SFI1: variants seen among roughly 807,000 people sequenced by gnomAD.
SFI1 encodes protein SFI1 homolog.
A neutral mutation model predicts 207.5 loss-of-function variants in SFI1; 195 were observed. That is an observed-to-expected ratio of 0.94 (90% CI 0.84 to 1.06). SFI1 has a LOEUF of 1.06. Among genes scored for constraint, SFI1 ranks in the 50% least tolerant of loss-of-function variants. SFI1 has a pLI of 0.00. For missense variants in SFI1, 1,634 were observed against 1,588.0 expected (o/e 1.03, Z -0.49); for synonymous variants, 630 against 598.9 (o/e 1.05, Z -0.76).
chr22:31,597,432 T>C (rs989806068), intron 15 of SFI1, among the ~76,000 whole-genome samples: 2 of 152,160 alleles, frequency 1.3e-5, no homozygotes, highest in Non-Finnish European at 2.9e-5. Flanking sequence ...AGCAGAGTGA[T>C]TGAGAGTCTG....
chr22:31,572,129 G>C (rs1257376166), intron 8 of SFI1, among the ~76,000 whole-genome samples: 1 of 152,172 alleles, frequency 6.6e-6, no homozygotes, highest in African/African-American at 2.4e-5. Flanking sequence ...CCCGTGGGCA[G>C]GTGGGTAGTT....
At chr22:31,560,826 C>T (rs537448872) in intron 7 of SFI1, among the ~76,000 whole-genome samples, 10 of 152,078 alleles carry the variant, frequency 6.6e-5, no homozygotes, top group Admixed American at 2.6e-4. Flanking sequence ...CTCAGCCTCC[C>T]GAGTAGCTGG....
Position 31,613,493 on chromosome 22 carries a change from C to G in SFI1, c.2705C>G (p.Ala902Gly). Reference protein sequence around the residue: ...RLLRFAASMKASRQQLQAQQQ... With the variant: ...RLLRFAASMKGSRQQLQAQQQ... Reference sequence around the variant, plus strand: ...CTGCGCTTTGCAGCCAGCATGAAGGCCTCCCGGCAGCAGCTGCAGGCCCAG... The same window carrying G: ...CTGCGCTTTGCAGCCAGCATGAAGGGCTCCCGGCAGCAGCTGCAGGCCCAG... Residue 902 changes from alanine (A) to glycine (G), a missense_variant, in exon 26 of 33, where the codon GCC (alanine) becomes GGC (glycine). Coordinates refer to ENST00000400288, the MANE Select transcript of SFI1 (RefSeq NM_001007467.3). 2 of 1,596,376 alleles carry G rather than the reference C, an allele frequency of 1.3e-6. No individual in the cohort carries two copies. The highest frequency in any genetic ancestry group is 1.7e-6 in the Non-Finnish European group (2 of 1,175,598).
intron 2 of SFI1, among the ~76,000 whole-genome samples, chr22:31,523,870 G>A (rs1299589941): frequency 6.6e-6 from 1 of 151,422 alleles, no homozygotes; most frequent in African/African-American, 2.4e-5. Flanking sequence ...GCAATTATAA[G>A]TGTTCCTTGT....
intron 4 of SFI1, among the ~76,000 whole-genome samples, chr22:31,536,495 G>T (rs191398076): frequency 9.7e-4 from 147 of 152,228 alleles, no homozygotes; most frequent in African/African-American, 3.4e-3. Flanking sequence ...CACTGCAACC[G>T]CCACCTTCTG....
Position 31,618,304 on chromosome 22 carries a change from A to G in SFI1, c.3625-10A>G, listed in dbSNP as rs769049180. 3.7e-6 allele frequency: 6 copies of G among 1,608,430 alleles called. No individual in the cohort carries two copies. Among genetic ancestry groups the G allele is most frequent in the Admixed American group, 3.4e-5 (2 of 59,670 alleles). On this transcript the variant is annotated splice_polypyrimidine_tract_variant and intron_variant, in intron 32 of 32. Coordinates refer to ENST00000400288, the MANE Select transcript of SFI1 (RefSeq NM_001007467.3). Reference sequence around the variant, plus strand: ...CCCTCTCAGCCCTGCCTGTCCCTCCATGGCCCCAGGTGGAAATGCAGATCC... The same window carrying G: ...CCCTCTCAGCCCTGCCTGTCCCTCCGTGGCCCCAGGTGGAAATGCAGATCC...
At chr22:31,519,821 C>T (rs1311013445) in intron 2 of SFI1, among the ~76,000 whole-genome samples, 1 of 152,094 alleles carries the variant, frequency 6.6e-6, no homozygotes, top group African/African-American at 2.4e-5. Context: ...ATCCACCCAC[C>T]TTGGCCTCCT....
At chr22:31,512,040 C>T (rs2055647601) in intron 2 of SFI1, among the ~76,000 whole-genome samples, 1 of 152,032 alleles carries the variant, frequency 6.6e-6, no homozygotes, top group Non-Finnish European at 1.5e-5. Context: ...AACCATAACA[C>T]AGGTAAAGAA....
At chr22:31,543,615 G>A (rs1239363845) in intron 4 of SFI1, among the ~76,000 whole-genome samples, 1 of 151,986 alleles carries the variant, frequency 6.6e-6, no homozygotes, top group Non-Finnish European at 1.5e-5. Flanking sequence ...TTCGAGACCA[G>A]CCTGGCCATC....
rs189639034 is a variant in SFI1, at chr22:31,528,976, T to C, written c.266+113T>C. On this transcript the variant is annotated intron_variant, in intron 3 of 32. Coordinates refer to ENST00000400288, the MANE Select transcript of SFI1 (RefSeq NM_001007467.3). ...CACCGCAATTAGTGGGAGATCTTGA[T>C]GCCTGTTCTTGGTAGTAGAATGTTC... The C allele has an allele frequency of 2.2e-5, 23 of 1,033,378 alleles. No homozygotes were observed. The East Asian group carries it at 5.6e-4, about 25-fold the overall frequency. 64.0% of individuals were successfully genotyped at this position (1,033,378 alleles called of 1,614,324 possible).
intron 7 of SFI1, among the ~76,000 whole-genome samples, chr22:31,557,924 CTA>C (rs1259019301): frequency 1.3e-5 from 2 of 152,136 alleles, no homozygotes; most frequent in Admixed American, 1.3e-4. Flanking sequence ...AGATTTCACT[CTA>C]TGTTGTCTGT....
chr22:31,596,733 G>T (rs1291051157), intron 15 of SFI1, among the ~76,000 whole-genome samples: 1 of 144,846 alleles, frequency 6.9e-6, no homozygotes, highest in Non-Finnish European at 1.5e-5. Flanking sequence ...GCAGTGAGCC[G>T]AGATCGCACC....
chr22:31,575,694 C>A (rs117415580), intron 10 of SFI1, among the ~76,000 whole-genome samples: 2 of 152,210 alleles, frequency 1.3e-5, no homozygotes, highest in Non-Finnish European at 2.9e-5. Context: ...TCTTTTCCCT[C>A]AGAGGTAATC....
Position 31,528,929 on chromosome 22 carries a change from G to T in SFI1, c.266+66G>T, listed in dbSNP as rs1602190443. 13 of 1,477,594 alleles carry T rather than the reference G, an allele frequency of 8.8e-6. No homozygotes were observed. In the South Asian group the frequency reaches 1.4e-4, roughly 16 times the overall value. 91.5% of individuals were successfully genotyped at this position (1,477,594 alleles called of 1,614,324 possible). A position where few individuals can be genotyped will look rare whatever the true frequency, so the allele number is the denominator to read the frequency against. On this transcript the variant is annotated intron_variant, in intron 3 of 32. Transcript: ENST00000400288. ...TTTGTTCTCCTTTCTTGGTTAAAAT[G>T]GGGGAATGATTCTTATTCTTCCACC...
rs556996596 is a variant in SFI1, at chr22:31,578,556, A to G, written c.1155+104A>G. The G allele has an allele frequency of 3.4e-5, 36 of 1,048,052 alleles. No individual in the cohort carries two copies. In the East Asian group the frequency reaches 8.2e-4, roughly 24 times the overall value. The allele number at this position is 1,048,052 out of a possible 1,614,324, so 64.9% of individuals were successfully genotyped here. The stretch of plus-strand genomic sequence containing the variant: ...TCACCTTCATTAAATGCAGTCAGCT[A>G]TGGGTGAGTTTTGGTCATGAAGCCC... On this transcript the variant is annotated intron_variant, in intron 11 of 32. Coordinates refer to ENST00000400288, the MANE Select transcript of SFI1 (RefSeq NM_001007467.3).
At chr22:31,563,999 A>G (rs1205339413) in intron 8 of SFI1, among the ~76,000 whole-genome samples, 3 of 152,090 alleles carry the variant, frequency 2.0e-5, no homozygotes, top group Non-Finnish European at 4.4e-5. Context: ...TATTTCAAAC[A>G]TAGAAACACA....
intron 4 of SFI1, among the ~76,000 whole-genome samples, chr22:31,532,199 G>C (rs1388645997): frequency 1.3e-5 from 2 of 152,240 alleles, no homozygotes; most frequent in South Asian, 2.1e-4. Context: ...GAGACTGACA[G>C]ATTGGCTTGA....
At position 31,604,384 on chromosome 22, in the gene SFI1, A is replaced by G. The variant is rs1011169966; in HGVS notation, c.1957A>G (p.Arg653Gly). 2 of 1,551,166 alleles carry G rather than the reference A, an allele frequency of 1.3e-6. No homozygotes were observed. Among genetic ancestry groups the G allele is most frequent in the Admixed American group, 3.9e-5 (2 of 50,842 alleles). Residue 653 changes from arginine (R) to glycine (G), a missense_variant, in exon 19 of 33, where the codon AGG becomes GGG. Transcript: ENST00000400288. ...GCACCACCAGCACAGCGTGCTGCAC[A>G]GGGCGCTGCAGGCATGGGTGGTAGG... ...DLHHQHSVLHRALQAWVTYQG... is the reference protein window; with the variant it reads ...DLHHQHSVLHGALQAWVTYQG...
intron 15 of SFI1, among the ~76,000 whole-genome samples, chr22:31,594,737 C>A (rs2066819044): frequency 6.7e-6 from 1 of 150,282 alleles, no homozygotes; most frequent in African/African-American, 2.4e-5. Context: ...CGACTGTAGT[C>A]CCAGCTACTC....
Sources: gnomAD v4.1 joint callset for allele counts (sites outside exome capture counted in the v4.1 genomes callset) on GRCh38, gnomAD v4.1.1 for gene constraint, MANE v1.5 for transcripts, NCBI Gene and HGNC (gene_info 2026-07-23, HGNC 2026-07-21) for gene names.